Variants in ANKFN1 observed in about 807,000 individuals in gnomAD.
The protein encoded by ANKFN1 is ankyrin repeat and fibronectin type III domain containing 1.
A neutral mutation model predicts 108.7 loss-of-function variants in ANKFN1; 74 were observed. The observed-to-expected ratio is 0.68, with a 90% CI of 0.56 to 0.83. ANKFN1 has a LOEUF of 0.83. Among genes scored for constraint, ANKFN1 ranks in the 40% least tolerant of loss-of-function variants. ANKFN1 has a pLI of 0.00. For missense variants in ANKFN1, 1,505 were observed against 1,382.3 expected (o/e 1.09, Z -1.41); for synonymous variants, 547 against 516.2 (o/e 1.06, Z -0.81).
intron 3 of ANKFN1, among the ~76,000 whole-genome samples, chr17:56,303,991 T>C (rs545394274): frequency 4.1e-4 from 63 of 152,008 alleles, no homozygotes; most frequent in Non-Finnish European, 1.5e-4. Flanking sequence ...CCACCATACC[T>C]GGCCAGATTC....
intron 4 of ANKFN1, among the ~76,000 whole-genome samples, chr17:56,060,911 C>G (rs1904961844): frequency 6.6e-6 from 1 of 152,152 alleles, no homozygotes; most frequent in Non-Finnish European, 1.5e-5. Flanking sequence ...TGTGTCTCCT[C>G]CAGGTTTTGG....
chr17:56,293,311 A>G (rs1371062808), intron 3 of ANKFN1, among the ~76,000 whole-genome samples: 1 of 152,166 alleles, frequency 6.6e-6, no homozygotes, highest in African/African-American at 2.4e-5. Context: ...TCTTCTCCCC[A>G]TCTTGTTTTG....
chr17:56,269,089 T>G (rs1468733036), intron 3 of ANKFN1, among the ~76,000 whole-genome samples: 2 of 152,128 alleles, frequency 1.3e-5, no homozygotes, highest in African/African-American at 4.8e-5. Flanking sequence ...TGACTCAGAT[T>G]TCTCAAGTGT....
chr17:56,171,846 G>A (rs1000646682), intron 1 of ANKFN1, among the ~76,000 whole-genome samples: 1 of 152,152 alleles, frequency 6.6e-6, no homozygotes, highest in African/African-American at 2.4e-5. Flanking sequence ...AGGTCTTAAG[G>A]AAGAAACTCC....
chr17:56,397,577 C>T (rs555233772), intron 8 of ANKFN1, among the ~76,000 whole-genome samples: 9 of 152,272 alleles, frequency 5.9e-5, no homozygotes, highest in African/African-American at 2.2e-4. Flanking sequence ...TAAAAAATGC[C>T]TCACATCAAT....
chr17:56,142,408 T>G (rs1379629859), intron 4 of ANKFN1, among the ~76,000 whole-genome samples: 1 of 152,052 alleles, frequency 6.6e-6, no homozygotes, highest in Admixed American at 6.6e-5. Context: ...CCATGAAGAG[T>G]AAATCATTCC....
chr17:56,437,209 A>C (rs1230697620), intron 8 of ANKFN1, among the ~76,000 whole-genome samples: 1 of 152,226 alleles, frequency 6.6e-6, no homozygotes, highest in Non-Finnish European at 1.5e-5. Flanking sequence ...TTGTTCTGCA[A>C]GAAGCCTGAC....
chr17:56,209,325 A>T (rs1914783875), intron 1 of ANKFN1, among the ~76,000 whole-genome samples: 1 of 152,166 alleles, frequency 6.6e-6, no homozygotes, highest in Non-Finnish European at 1.5e-5. Flanking sequence ...TGAAGCCAAT[A>T]TCACCCAAAT....
At chr17:56,277,616 C>T (rs2043968439) in intron 3 of ANKFN1, among the ~76,000 whole-genome samples, 1 of 152,078 alleles carries the variant, frequency 6.6e-6, no homozygotes, top group African/African-American at 2.4e-5. Context: ...TGTACAAAGT[C>T]TCATGATAAT....
At chr17:56,280,349 G>A (rs2044046189) in intron 3 of ANKFN1, among the ~76,000 whole-genome samples, 1 of 152,146 alleles carries the variant, frequency 6.6e-6, no homozygotes, top group Admixed American at 6.6e-5. Context: ...AAAGGCAGAG[G>A]AAGGGCGATT....
At chr17:56,219,253 A>T (rs1163025656) in intron 2 of ANKFN1, among the ~76,000 whole-genome samples, 1 of 148,882 alleles carries the variant, frequency 6.7e-6, no homozygotes, top group Non-Finnish European at 1.5e-5. Context: ...TTGTTTGTTT[A>T]TTTTTTTTTT....
intron 18 of ANKFN1, among the ~76,000 whole-genome samples, chr17:56,485,403 G>A (rs183902392): frequency 4.6e-5 from 7 of 152,308 alleles, no homozygotes; most frequent in African/African-American, 1.7e-4. Flanking sequence ...AAGTGCAAAG[G>A]CCTTAGAGTA....
intron 1 of ANKFN1, among the ~76,000 whole-genome samples, chr17:56,173,402 T>G (rs1476187424): frequency 2.0e-5 from 3 of 152,180 alleles, no homozygotes; most frequent in Non-Finnish European, 4.4e-5. Flanking sequence ...TTCCCTAACC[T>G]TCCTACCACC....
intron 4 of ANKFN1, among the ~76,000 whole-genome samples, chr17:56,105,518 T>C (rs987707191): frequency 1.3e-5 from 2 of 152,066 alleles, no homozygotes; most frequent in African/African-American, 4.8e-5. Context: ...CTTTCTCTTT[T>C]TCTTTCTTCC....
At chr17:56,476,114 G>A (rs2050489932) in intron 15 of ANKFN1, among the ~76,000 whole-genome samples, 1 of 152,096 alleles carries the variant, frequency 6.6e-6, no homozygotes, top group Non-Finnish European at 1.5e-5. Context: ...GAACAGCAAG[G>A]AGGAAATCCA....
chr17:56,117,677 A>C (rs1906363492), intron 4 of ANKFN1, among the ~76,000 whole-genome samples: 1 of 152,142 alleles, frequency 6.6e-6, no homozygotes, highest in African/African-American at 2.4e-5. Context: ...GTATCCTAGG[A>C]GGGCAATTTT....
chr17:56,319,530 C>T (rs1012836751), intron 3 of ANKFN1, among the ~76,000 whole-genome samples: 1 of 152,188 alleles, frequency 6.6e-6, no homozygotes, highest in African/African-American at 2.4e-5. Flanking sequence ...CCATGGATAA[C>T]AGTCCTCTAC....
chr17:56,304,676 T>C (rs2044767193), intron 3 of ANKFN1, among the ~76,000 whole-genome samples: 1 of 152,212 alleles, frequency 6.6e-6, no homozygotes, highest in Non-Finnish European at 1.5e-5. Flanking sequence ...TTTTTTTATT[T>C]TAGTTATTCT....
intron 3 of ANKFN1, among the ~76,000 whole-genome samples, chr17:56,259,007 T>C (rs186736598): frequency 4.4e-4 from 67 of 152,308 alleles, no homozygotes; most frequent in Non-Finnish European, 4.4e-5. Context: ...GTATTAGAGA[T>C]ATAAAGTGTC....
Sources: gnomAD v4.1 joint callset for allele counts (sites outside exome capture counted in the v4.1 genomes callset) on GRCh38, gnomAD v4.1.1 for gene constraint, MANE v1.5 for transcripts, NCBI Gene and HGNC (gene_info 2026-07-23, HGNC 2026-07-21) for gene names.